Variants in DENND1A observed in about 807,000 individuals in gnomAD.
DENND1A encodes DENN domain-containing protein 1A.
DENND1A carries 51 observed loss-of-function variants against 113.7 expected under a neutral mutation model. The observed-to-expected ratio is 0.45, with a 90% CI of 0.36 to 0.57. The LOEUF (loss-of-function observed/expected upper bound fraction) is 0.57, where lower values mean the gene tolerates loss of function less well. Ranked by LOEUF, DENND1A falls within the 20% of genes least tolerant of loss-of-function variation. DENND1A has a pLI of 0.00. For synonymous variants in DENND1A, 565 were observed against 570.8 expected (o/e 0.99, Z 0.14); for missense variants, 1,258 against 1,395.9 (o/e 0.90, Z 1.57).
Position 123,380,006 on chromosome 9 carries a change from C to T in DENND1A, c.*1426G>A, listed in dbSNP as rs2130808900. 6.6e-6 allele frequency: 1 copy of T among 152,390 alleles called. No individual in the cohort carries two copies. The highest frequency in any genetic ancestry group is 1.9e-4 in the East Asian group (1 of 5,184). 9.4% of individuals were successfully genotyped at this position (152,390 alleles called of 1,614,324 possible). A position where few individuals can be genotyped will look rare whatever the true frequency, so the allele number is the denominator to read the frequency against. ...AGGTCACGGTTGACCCAGGAAGAGCCATGTGCCAGGATGGCCGCCAAGCCT... is the reference window on the plus strand; with the variant it reads ...AGGTCACGGTTGACCCAGGAAGAGCTATGTGCCAGGATGGCCGCCAAGCCT... On this transcript the variant is annotated 3_prime_UTR_variant, in exon 24 of 24. Transcript: ENST00000394215.
intron 1 of DENND1A, among the ~76,000 whole-genome samples, chr9:123,883,983 G>C (rs1434967912): frequency 3.3e-5 from 5 of 151,988 alleles, no homozygotes; most frequent in Admixed American, 2.6e-4. Flanking sequence ...GAAGTGGTGA[G>C]TAATGTTGTG....
rs199533377 is a variant in DENND1A, at chr9:123,619,426, AT to A, written c.720-9946del. On this transcript the variant is annotated intron_variant, in intron 10 of 23. Coordinates refer to ENST00000394215, the MANE Select transcript of DENND1A (RefSeq NM_001352964.2). Reference sequence around the variant, plus strand: ...CATACATTGATTGACTGATTGATTGATTGATTGATTGAGACAGAGTCTCACT... The same window carrying A: ...CATACATTGATTGACTGATTGATTGATGATTGATTGAGACAGAGTCTCACT... 8.7e-3 allele frequency among the ~76,000 whole-genome samples: 1,316 copies of A among 152,084 alleles called. 18 individuals are homozygous for A. The highest frequency in any genetic ancestry group is 0.03 in the African/African-American group (1,245 of 41,482).
At chr9:123,819,496 A>G (rs1838109832) in intron 2 of DENND1A, among the ~76,000 whole-genome samples, 1 of 152,166 alleles carries the variant, frequency 6.6e-6, no homozygotes, top group Non-Finnish European at 1.5e-5. Flanking sequence ...ACCAATGATT[A>G]TATCTTAAAG....
intron 1 of DENND1A, among the ~76,000 whole-genome samples, chr9:123,912,271 C>A (rs1854139667): frequency 6.6e-6 from 1 of 152,066 alleles, no homozygotes; most frequent in African/African-American, 2.4e-5. Context: ...TAAGATGGTT[C>A]TGAAAGGCAG....
chr9:123,521,298 T>C (rs1348738790), intron 13 of DENND1A, among the ~76,000 whole-genome samples: 5 of 152,210 alleles, frequency 3.3e-5, no homozygotes, highest in African/African-American at 1.2e-4. Flanking sequence ...TTCAAATACA[T>C]ATGCAACACC....
At chr9:123,753,754 T>G (rs1038080552) in intron 5 of DENND1A, among the ~76,000 whole-genome samples, 5 of 152,182 alleles carry the variant, frequency 3.3e-5, no homozygotes, top group African/African-American at 1.2e-4. Context: ...AGAGTTGACC[T>G]TCCAATAGGA....
intron 20 of DENND1A, among the ~76,000 whole-genome samples, chr9:123,403,891 G>C (rs1206552402): frequency 1.3e-5 from 2 of 152,332 alleles, no homozygotes; most frequent in East Asian, 1.9e-4. Context: ...TTTGTAGAAA[G>C]AAAAGGTTGC....
At chr9:123,731,267 T>A (rs565278829) in intron 5 of DENND1A, among the ~76,000 whole-genome samples, 78 of 152,164 alleles carry the variant, frequency 5.1e-4, no homozygotes, top group Admixed American at 8.5e-4. Flanking sequence ...TAAAAAAAAA[T>A]TTTTAATGAA....
At chr9:123,492,634 G>T (rs1461382941) in intron 13 of DENND1A, 1 of 152,188 alleles carries the variant, frequency 6.6e-6, no homozygotes, top group Non-Finnish European at 1.5e-5. Context: ...TTAAATACAA[G>T]AATTTTTCTT....
At chr9:123,666,453 A>C (rs773769526) in intron 8 of DENND1A, among the ~76,000 whole-genome samples, 110 of 152,288 alleles carry the variant, frequency 7.2e-4, no homozygotes, top group Non-Finnish European at 1.4e-3. Flanking sequence ...TTCACCCACA[A>C]ATACTTTATT....
chr9:123,929,807 C>T (rs1857720558), intron 1 of DENND1A, 82 bp downstream of exon 1: 1 of 178,610 alleles, frequency 5.6e-6, no homozygotes, highest in Non-Finnish European at 1.1e-5. Context: ...ACAAGTCCCC[C>T]GCGCGGCCCG....
intron 6 of DENND1A, 60 bp downstream of exon 6, chr9:123,676,660 T>C (rs1275011238): frequency 6.5e-7 from 1 of 1,530,452 alleles, no homozygotes; most frequent in African/African-American, 1.4e-5. Context: ...ATGTTTTACT[T>C]TTTCATCATA....
At chr9:123,480,806 G>A (rs1367840789) in intron 13 of DENND1A, among the ~76,000 whole-genome samples, 1 of 152,158 alleles carries the variant, frequency 6.6e-6, no homozygotes, top group Non-Finnish European at 1.5e-5. Context: ...CACGTGTGTC[G>A]AATGAATGAA....
In DENND1A at chr9:123,438,592, T is replaced by TA. The variant is rs111804031; in HGVS notation, c.1488+1767dup. 5.4e-4 allele frequency among the ~76,000 whole-genome samples: 80 copies of TA among 147,168 alleles called. No individual in the cohort carries two copies. In the East Asian group the frequency reaches 8.3e-3, roughly 15 times the overall value. ...TTGACCTTAATCCGCATGCATGCAT[T>TA]AAAAAAAAAAATCCTGCCTTCCTGT... On this transcript the variant is annotated intron_variant, in intron 19 of 23. Transcript: ENST00000394215.
At chr9:123,457,209 A>C in intron 15 of DENND1A, 139 bp downstream of exon 15, 1 of 705,070 alleles carries the variant, frequency 1.4e-6, no homozygotes, top group Non-Finnish European at 2.5e-6. Context: ...GGAATTCTTC[A>C]AACATTTCAA....
chr9:123,800,716 G>A (rs1032958094), intron 2 of DENND1A, among the ~76,000 whole-genome samples: 5 of 151,976 alleles, frequency 3.3e-5, no homozygotes, highest in Non-Finnish European at 7.4e-5. Flanking sequence ...GCCAAGTTCA[G>A]GATATAAATA....
At chr9:123,883,842 C>T (rs1848637589) in intron 1 of DENND1A, among the ~76,000 whole-genome samples, 1 of 139,438 alleles carries the variant, frequency 7.2e-6, no homozygotes, top group Non-Finnish European at 1.5e-5. Flanking sequence ...TATTCCATTA[C>T]ATGGAGCCAA....
chr9:123,544,905 T>C (rs564715008), intron 13 of DENND1A, among the ~76,000 whole-genome samples: 2 of 152,256 alleles, frequency 1.3e-5, no homozygotes, highest in South Asian at 2.1e-4. Context: ...AAGACCATCC[T>C]GGCTAACACG....
chr9:123,726,832 T>C (rs926485712), intron 5 of DENND1A, among the ~76,000 whole-genome samples: 1 of 152,202 alleles, frequency 6.6e-6, no homozygotes, highest in Admixed American at 6.5e-5. Flanking sequence ...TTGGAGACAG[T>C]TCCTGGAGCT....
Sources: allele counts gnomAD v4.1 joint callset (sites outside exome capture counted in the v4.1 genomes callset), GRCh38; gene constraint gnomAD v4.1.1; transcripts MANE v1.5; gene names NCBI Gene and HGNC (gene_info 2026-07-23, HGNC 2026-07-21).